The following NT5C1B variants were observed in gnomAD, a reference collection of about 807,000 sequenced individuals.
The protein encoded by NT5C1B is cytosolic 5'-nucleotidase 1B.
NT5C1B carries 44 observed loss-of-function variants against 57.8 expected under a neutral mutation model. The observed-to-expected ratio is 0.76, with a 90% CI of 0.60 to 0.98. NT5C1B has a LOEUF of 0.98. Ranked by LOEUF, NT5C1B falls within the 50% of genes least tolerant of loss-of-function variation. The pLI, the probability that NT5C1B is intolerant of heterozygous loss-of-function variation, is 0.00. For missense variants in NT5C1B, 742 were observed against 719.5 expected, an observed-to-expected ratio of 1.03 and a Z score of -0.36; for synonymous variants, 284 against 282.6, an observed-to-expected ratio of 1.00 and a Z score of -0.05.
exon 9 of NT5C1B, chr2:18,563,775 C>T (rs1429135041): frequency 6.6e-7 from 1 of 1,506,204 alleles, no homozygotes; most frequent in African/African-American, 1.4e-5. Flanking sequence ...ACTATCACCA[C>T]TTTATTTCTC....
intron 2 of NT5C1B, chr2:18,586,719 G>A (rs777792901): frequency 1.7e-4 from 99 of 585,828 alleles, no homozygotes; most frequent in Admixed American, 4.7e-4. Context: ...TTCTTCCCTC[G>A]AGGATAAGCC....
chr2:18,585,004 AGTCGAG>A, intron 3 of NT5C1B, 26 bp from the exon 4 acceptor site: 1 of 1,571,886 alleles, frequency 6.4e-7, no homozygotes, highest in Non-Finnish European at 8.6e-7. Context: ...GGGCGTCTGA[AGTCGAG>A]GCCTGCCTGC....
intron 2 of NT5C1B, 196 bp from the exon 3 acceptor site, chr2:18,586,587 G>T: frequency 2.3e-6 from 2 of 858,020 alleles, no homozygotes; most frequent in Admixed American, 3.0e-5. Context: ...TCTGTTTGGA[G>T]CATCTATGTG....
intron 8 of NT5C1B, among the ~76,000 whole-genome samples, chr2:18,568,490 G>A (rs566107814): frequency 6.6e-6 from 1 of 152,156 alleles, no homozygotes; most frequent in Non-Finnish European, 1.5e-5. Flanking sequence ...AGAAAAACCT[G>A]ATCTACACAA....
chr2:18,588,665 C>G (rs1666940714), intron 1 of NT5C1B, among the ~76,000 whole-genome samples: 2 of 152,188 alleles, frequency 1.3e-5, no homozygotes, highest in Non-Finnish European at 2.9e-5. Flanking sequence ...TCTGACCATC[C>G]TGGGACTACA....
exon 3 of NT5C1B, chr2:18,586,390 C>T (rs1349497145): frequency 6.2e-7 from 1 of 1,613,892 alleles, no homozygotes. Context: ...TTCTTGTGAT[C>T]CCTGTGATGG....
rs1666715214 is a variant in NT5C1B at position 18,586,401 on chromosome 2, A to G, written c.121-10T>C. 3.7e-6 allele frequency: 6 copies of G among 1,613,836 alleles called. No individual in the cohort carries two copies. Among genetic ancestry groups the G allele is most frequent in the Non-Finnish European group, 5.1e-6 (6 of 1,179,914 alleles). On this transcript the variant is annotated splice_polypyrimidine_tract_variant and intron_variant, in intron 2 of 8. Transcript: ENST00000304081. ...ATGATTCTTGTGATCCCTGTGATGG[A>G]AAGAAGAAACCCAACGGTGTAAAAC... is the stretch of plus-strand genomic sequence containing the variant.
exon 7 of NT5C1B, chr2:18,576,884 C>T: frequency 6.2e-7 from 1 of 1,613,642 alleles, no homozygotes; most frequent in Non-Finnish European, 8.5e-7. Flanking sequence ...CAGAAGCGGT[C>T]AATCAGTAAG....
Position 18,584,502 on chromosome 2 carries a change from G to C in NT5C1B, c.723+12C>G. 6.2e-7 allele frequency: 1 copy of C among 1,604,344 alleles called. No homozygotes were observed. The highest frequency in any genetic ancestry group is 8.5e-7 in the Non-Finnish European group (1 of 1,176,192). On this transcript the variant is annotated intron_variant, in intron 4 of 8. Transcript: ENST00000304081. The surrounding 1 kb of genome is among the most constrained non-coding windows in gnomAD (Gnocchi z 5.8). ...GGGCGCCCCGGCTGCCAGGGGCGGC[G>C]GGCTGGCTCACCGGCCAGGGGCGCG...
In NT5C1B at chr2:18,584,911, G is replaced by C; in HGVS notation, c.326C>G (p.Pro109Arg). ...GAGCGAGGGCTGCCCGGACAGCGGC[G>C]GCGGTGAGGAGTCATGCAGGCTTGG... The change falls in exon 4 of 9, where the codon CCG (proline) becomes CGG (arginine). Residue 109 changes from proline to arginine, a missense_variant. By Grantham distance (103) the Pro-to-Arg change is moderately radical. Transcript: ENST00000304081. This position sits in a 1 kb window ranked among gnomAD's most constrained non-coding sequence, Gnocchi z 5.8. 6.4e-7 allele frequency: 1 copy of C among 1,553,366 alleles called. No homozygotes were observed. Among genetic ancestry groups the C allele is most frequent in the Non-Finnish European group, 8.6e-7 (1 of 1,156,190 alleles).
Position 18,584,067 on chromosome 2 carries a change from C to G in NT5C1B, c.891+21G>C. On this transcript the variant is annotated intron_variant, in intron 5 of 8. Transcript: ENST00000304081. The surrounding 1 kb of genome is among the most constrained non-coding windows in gnomAD (Gnocchi z 5.8). ...CTCGCCATCGAGTGTCCTGGCGGGC[C>G]AAAGACAGCTTGCAGAATACCTTGA... 1.2e-6 allele frequency: 2 copies of G among 1,614,154 alleles called. No homozygotes were observed. The highest frequency in any genetic ancestry group is 1.7e-6 in the Non-Finnish European group (2 of 1,180,036).
chr2:18,571,716 GTGTATATATATA>G (rs1665180641), intron 8 of NT5C1B, among the ~76,000 whole-genome samples: 1 of 68,724 alleles, frequency 1.5e-5, no homozygotes, highest in Non-Finnish European at 2.4e-5. Flanking sequence ...CTCTGTGTGT[GTGTATATATATA>G]TATATATATA....
exon 3 of NT5C1B, chr2:18,586,289 T>A: frequency 1.2e-6 from 2 of 1,614,226 alleles, no homozygotes; most frequent in Non-Finnish European, 1.7e-6. Context: ...GGCTCATCTA[T>A]GGATGGAGCC....
intron 1 of NT5C1B, among the ~76,000 whole-genome samples, chr2:18,587,838 A>T (rs1029832759): frequency 6.6e-6 from 1 of 152,346 alleles, no homozygotes; most frequent in Admixed American, 6.5e-5. Flanking sequence ...GATTTGAGAT[A>T]TAAAGCATTT....
chr2:18,563,037 T>C (rs1664311829), exon 9 of NT5C1B: 1 of 150,968 alleles, frequency 6.6e-6, no homozygotes, highest in Non-Finnish European at 1.5e-5. Flanking sequence ...CTACACTTCA[T>C]GTCACTTTTT....
At chr2:18,582,345 C>T (rs1189085593) in intron 6 of NT5C1B, among the ~76,000 whole-genome samples, 1 of 152,158 alleles carries the variant, frequency 6.6e-6, no homozygotes, top group Admixed American at 6.5e-5. Context: ...AAAGTTGGAA[C>T]TTTCTCTTAA....
intron 8 of NT5C1B, among the ~76,000 whole-genome samples, chr2:18,565,067 C>T (rs1664522900): frequency 6.6e-6 from 1 of 151,972 alleles, no homozygotes; most frequent in Admixed American, 6.6e-5. Context: ...TTTACTTTTC[C>T]TTGGTGTTTC....
chr2:18,565,969 G>A (rs548774172), intron 8 of NT5C1B, among the ~76,000 whole-genome samples: 85 of 152,184 alleles, frequency 5.6e-4, no homozygotes, highest in Admixed American at 1.4e-3. Context: ...TGGAAGGGAC[G>A]AAAGATTTAC....
chr2:18,588,218 C>G (rs1359768244), intron 1 of NT5C1B, among the ~76,000 whole-genome samples: 1 of 152,124 alleles, frequency 6.6e-6, no homozygotes, highest in Non-Finnish European at 1.5e-5. Flanking sequence ...AGATGACTCA[C>G]TTTATGGAAC....
Sources: gnomAD v4.1 joint callset for allele counts (sites outside exome capture counted in the v4.1 genomes callset) on GRCh38, gnomAD v4.1.1 for gene constraint, Gnocchi (gnomAD v3.1) non-coding constraint, MANE v1.5 for transcripts, NCBI Gene and HGNC (gene_info 2026-07-23, HGNC 2026-07-21) for gene names.